CACNA1C: variants seen among roughly 807,000 people sequenced by gnomAD.
The protein encoded by CACNA1C is voltage-dependent L-type calcium channel subunit alpha-1C.
Under a neutral mutation model 229.0 loss-of-function variants are expected in CACNA1C, and 30 were observed. The observed-to-expected ratio is 0.13, with a 90% CI of 0.10 to 0.18. CACNA1C has a LOEUF of 0.18. Ranked by LOEUF, CACNA1C falls within the 10% of genes least tolerant of loss-of-function variation. The probability of loss-of-function intolerance (pLI) is 1.00; values close to 1 mark genes in which losing one functional copy is unlikely to be tolerated. For synonymous variants in CACNA1C, 1,114 were observed against 1,132.5 expected (o/e 0.98, Z 0.33); for missense variants, 1,658 against 2,845.0 (o/e 0.58, Z 9.49).
At chr12:2,377,556 G>A (rs947415465) in intron 3 of CACNA1C, among the ~76,000 whole-genome samples, 6 of 152,130 alleles carry the variant, frequency 3.9e-5, no homozygotes, top group African/African-American at 7.2e-5. Context: ...TTGCAATTTC[G>A]ATTGTGGGAA....
chr12:1,999,523 C>G (rs1165601148), intron 1 of CACNA1C, among the ~76,000 whole-genome samples: 1 of 152,096 alleles, frequency 6.6e-6, no homozygotes, highest in Non-Finnish European at 1.5e-5. Flanking sequence ...CAGTTTGAGA[C>G]CAGCCTGGGC....
At chr12:2,033,398 T>C (rs138934756) in intron 1 of CACNA1C, among the ~76,000 whole-genome samples, 8 of 152,274 alleles carry the variant, frequency 5.3e-5, no homozygotes, top group African/African-American at 1.4e-4. Context: ...ACCCAGGACA[T>C]GGATCCCATT....
intron 1 of CACNA1C, among the ~76,000 whole-genome samples, chr12:2,071,164 C>CCTTCCTG (rs1207254237): frequency 8.8e-5 from 2 of 22,632 alleles, no homozygotes; most frequent in Non-Finnish European, 2.2e-4. Flanking sequence ...CTCCCTCCCT[C>CCTTCCTG]CCTCCCTCCC....
chr12:2,148,228 C>T (rs1254490814), intron 3 of CACNA1C, among the ~76,000 whole-genome samples: 1 of 151,286 alleles, frequency 6.6e-6, no homozygotes, highest in African/African-American at 2.4e-5. Flanking sequence ...ACTAAACTCC[C>T]TGTTGCCCGA....
intron 3 of CACNA1C, among the ~76,000 whole-genome samples, chr12:2,278,413 A>T (rs951026671): frequency 1.1e-4 from 17 of 152,168 alleles, no homozygotes; most frequent in African/African-American, 4.1e-4. Flanking sequence ...CCAGTAGCTC[A>T]GCCCTCCTCC....
chr12:2,610,269 G>A (rs2077077682), intron 27 of CACNA1C, among the ~76,000 whole-genome samples: 1 of 152,216 alleles, frequency 6.6e-6, no homozygotes, highest in African/African-American at 2.4e-5. Flanking sequence ...GGTGAGGAAA[G>A]GAGGTGTATG....
At chr12:2,523,983 G>C (rs901538883) in intron 9 of CACNA1C, among the ~76,000 whole-genome samples, 1 of 152,228 alleles carries the variant, frequency 6.6e-6, no homozygotes, top group Non-Finnish European at 1.5e-5. Context: ...TATCAGTGGA[G>C]GGGAGAGTGA....
chr12:2,208,735 C>T (rs1249944535), intron 3 of CACNA1C, among the ~76,000 whole-genome samples: 2 of 152,174 alleles, frequency 1.3e-5, no homozygotes, highest in Non-Finnish European at 2.9e-5. Context: ...GGTAGGTAAG[C>T]TAATGAAGCC....
At chr12:2,170,604 G>C (rs569776077) in intron 3 of CACNA1C, among the ~76,000 whole-genome samples, 1 of 152,370 alleles carries the variant, frequency 6.6e-6, no homozygotes, top group Admixed American at 6.5e-5. Context: ...TCCAACTGAA[G>C]AGTGAGGGAG....
At chr12:2,441,539 A>G (rs2099226510) in intron 3 of CACNA1C, among the ~76,000 whole-genome samples, 1 of 152,246 alleles carries the variant, frequency 6.6e-6, no homozygotes, top group Admixed American at 6.5e-5. Context: ...ATTCCGTCCC[A>G]TGTCCTAAAA....
rs1258803196 is a variant in CACNA1C at position 2,348,309 on chromosome 12, G to A, written c.478-100667G>A. Reference sequence around the variant, plus strand: ...GCCAGGACAGGCCGTCCTGAGTGCTGGCCCTGAGGATCTAGACCCTTTGGA... The same window carrying A: ...GCCAGGACAGGCCGTCCTGAGTGCTAGCCCTGAGGATCTAGACCCTTTGGA... On this transcript the variant is annotated intron_variant, in intron 3 of 46. Coordinates refer to ENST00000399655, the MANE Select transcript of CACNA1C (RefSeq NM_000719.7). The surrounding 1 kb of genome is among the most constrained non-coding windows in gnomAD (Gnocchi z 4.7). 3.9e-5 allele frequency among the ~76,000 whole-genome samples: 6 copies of A among 152,234 alleles called. No homozygotes were observed. The South Asian group carries it at 6.2e-4, about 16-fold the overall frequency.
chr12:2,023,600 A>C (rs1049270183), intron 1 of CACNA1C, among the ~76,000 whole-genome samples: 10 of 152,160 alleles, frequency 6.6e-5, no homozygotes, highest in African/African-American at 1.9e-4. Context: ...CCAGGAATGC[A>C]GGTTTCACAA....
intron 29 of CACNA1C, among the ~76,000 whole-genome samples, chr12:2,622,055 A>T (rs1400401080): frequency 6.6e-6 from 1 of 152,146 alleles, no homozygotes; most frequent in Non-Finnish European, 1.5e-5. Flanking sequence ...AGGAAGGAGA[A>T]GGAAAGGGGT....
chr12:2,128,922 G>T (rs1490175235), intron 3 of CACNA1C, among the ~76,000 whole-genome samples: 1 of 152,240 alleles, frequency 6.6e-6, no homozygotes, highest in African/African-American at 2.4e-5. Flanking sequence ...CCTGTGAGAT[G>T]TAGCCCTGAA....
intron 3 of CACNA1C, among the ~76,000 whole-genome samples, chr12:2,408,233 T>C (rs2098760948): frequency 6.6e-6 from 1 of 152,128 alleles, no homozygotes; most frequent in African/African-American, 2.4e-5. Context: ...TTTCCAGGGA[T>C]TGGAGGGAAG....
intron 39 of CACNA1C, 195 bp from the exon 40 acceptor site, chr12:2,676,899 C>A: frequency 6.0e-6 from 3 of 502,112 alleles, no homozygotes; most frequent in Non-Finnish European, 1.1e-5. Flanking sequence ...CAGATAAGGG[C>A]TGTGGTGGGA....
intron 1 of CACNA1C, among the ~76,000 whole-genome samples, chr12:2,095,016 C>T (rs2073218424): frequency 6.6e-6 from 1 of 152,226 alleles, no homozygotes; most frequent in South Asian, 2.1e-4. Context: ...CTTGTCACAA[C>T]TCAGAGATAT....
At chr12:2,255,190 G>A (rs966900284) in intron 3 of CACNA1C, among the ~76,000 whole-genome samples, 10 of 151,032 alleles carry the variant, frequency 6.6e-5, no homozygotes, top group Admixed American at 2.6e-4. Context: ...ATACAGACCC[G>A]TGCTCCCTCC....
At chr12:2,327,879 A>T (rs1241910189) in intron 3 of CACNA1C, among the ~76,000 whole-genome samples, 3 of 152,224 alleles carry the variant, frequency 2.0e-5, no homozygotes, top group Admixed American at 6.5e-5. Context: ...GTGAGGTTGT[A>T]CCTGAAAACT....
Sources: gnomAD v4.1 joint callset for allele counts (sites outside exome capture counted in the v4.1 genomes callset) on GRCh38, gnomAD v4.1.1 for gene constraint, Gnocchi (gnomAD v3.1) non-coding constraint, MANE v1.5 for transcripts, NCBI Gene and HGNC (gene_info 2026-07-23, HGNC 2026-07-21) for gene names.